Variants in PRKCE observed in about 807,000 individuals in gnomAD.
The protein encoded by PRKCE is protein kinase C epsilon.
A neutral mutation model predicts 85.4 loss-of-function variants in PRKCE; 16 were observed. That is an observed-to-expected ratio of 0.19 (90% CI 0.13 to 0.28). The LOEUF (loss-of-function observed/expected upper bound fraction) is 0.28, where lower values mean the gene tolerates loss of function less well. PRKCE is among the 10% of genes least tolerant of loss of function. The pLI is 1.00. For missense variants in PRKCE, 573 were observed against 975.2 expected, an observed-to-expected ratio of 0.59 and a Z score of 5.49; for synonymous variants, 388 against 371.5, an observed-to-expected ratio of 1.04 and a Z score of -0.51.
chr2:46,075,632 C>G (rs1236401271), intron 10 of PRKCE, among the ~76,000 whole-genome samples: 1 of 151,908 alleles, frequency 6.6e-6, no homozygotes, highest in Non-Finnish European at 1.5e-5. Flanking sequence ...ACCTGTAGTC[C>G]CAGCTACTCA....
chr2:45,685,032 T>C (rs1432816111), intron 1 of PRKCE, among the ~76,000 whole-genome samples: 2 of 152,182 alleles, frequency 1.3e-5, no homozygotes, highest in Non-Finnish European at 2.9e-5. Context: ...TTCTTTCACT[T>C]TGTGGTCTGA....
At chr2:45,913,506 G>T (rs1301426965) in intron 2 of PRKCE, among the ~76,000 whole-genome samples, 1 of 152,286 alleles carries the variant, frequency 6.6e-6, no homozygotes, top group Admixed American at 6.5e-5. Context: ...TCTGGGTTCT[G>T]GTGTTCCTTG....
intron 1 of PRKCE, among the ~76,000 whole-genome samples, chr2:45,839,936 C>A (rs1691211693): frequency 6.6e-6 from 1 of 152,224 alleles, no homozygotes; most frequent in Admixed American, 6.5e-5. Context: ...ACGGAGGCTG[C>A]AGTGGGTGCT....
Position 45,986,840 on chromosome 2 carries a change from G to T in PRKCE, c.823+2160G>T, listed in dbSNP as rs1375732886. The stretch of plus-strand genomic sequence containing the variant: ...CTTCCCCGTTGGAGTATTCTTTCTA[G>T]TGTGTGACCCTGAACAAAATGGGGC... On this transcript the variant is annotated intron_variant, in intron 6 of 14. Coordinates refer to ENST00000306156, the MANE Select transcript of PRKCE (RefSeq NM_005400.3). 2.0e-5 allele frequency among the ~76,000 whole-genome samples: 3 copies of T among 152,094 alleles called. No homozygotes were observed. In the East Asian group the frequency reaches 5.8e-4, roughly 29 times the overall value.
intron 2 of PRKCE, among the ~76,000 whole-genome samples, chr2:45,885,666 G>T (rs1014658698): frequency 4.6e-5 from 7 of 152,168 alleles, no homozygotes; most frequent in Non-Finnish European, 1.0e-4. Context: ...ACAACAGATA[G>T]GATTTAGTTC....
intron 10 of PRKCE, among the ~76,000 whole-genome samples, chr2:46,023,693 T>C (rs986021569): frequency 6.6e-6 from 1 of 152,178 alleles, no homozygotes; most frequent in African/African-American, 2.4e-5. Flanking sequence ...AAATTGGGGC[T>C]GGCTTCCAAA....
chr2:45,671,217 G>A (rs180932963), intron 1 of PRKCE, among the ~76,000 whole-genome samples: 1 of 152,262 alleles, frequency 6.6e-6, no homozygotes, highest in African/African-American at 2.4e-5. Flanking sequence ...CATCAAACTT[G>A]TATGGTAGTG....
chr2:46,160,849 C>G (rs192239532), intron 14 of PRKCE, among the ~76,000 whole-genome samples: 1 of 152,108 alleles, frequency 6.6e-6, no homozygotes, highest in Non-Finnish European at 1.5e-5. Context: ...AAATCTTCCA[C>G]GGTGGGAGTG....
At chr2:45,941,933 A>G (rs185714098) in intron 2 of PRKCE, among the ~76,000 whole-genome samples, 1 of 152,222 alleles carries the variant, frequency 6.6e-6, no homozygotes, top group Non-Finnish European at 1.5e-5. Context: ...TACCCTGATT[A>G]AAACAGGAGA....
At chr2:45,884,864 T>G (rs1695128239) in intron 2 of PRKCE, among the ~76,000 whole-genome samples, 2 of 150,446 alleles carry the variant, frequency 1.3e-5, no homozygotes, top group Non-Finnish European at 3.0e-5. Context: ...TTCTGTCTCC[T>G]TCTGGAAATT....
At position 45,984,571 on chromosome 2, in the gene PRKCE, C is replaced by A. The variant is rs1250155041; in HGVS notation, c.714C>A (p.Ser238Arg). ...TPDQVGSQRFSVNMPHKFGIH... is the reference protein window; with the variant it reads ...TPDQVGSQRFRVNMPHKFGIH... ...TGCAGGTGGGCTCCCAGCGGTTCAG[C>A]GTCAACATGCCCCACAAGTTCGGTA... is the stretch of plus-strand genomic sequence containing the variant. The change falls in exon 6 of 15, where the codon AGC becomes AGA. Residue 238 changes from serine (S) to arginine (R), a missense_variant. Transcript: ENST00000306156. 6.3e-7 allele frequency: 1 copy of A among 1,599,772 alleles called. No individual in the cohort carries two copies. The highest frequency in any genetic ancestry group is 8.5e-7 in the Non-Finnish European group (1 of 1,179,910).
intron 1 of PRKCE, among the ~76,000 whole-genome samples, chr2:45,757,448 C>T (rs913665181): frequency 5.3e-5 from 8 of 151,742 alleles, no homozygotes; most frequent in South Asian, 2.1e-4. Flanking sequence ...AGGAGAATTG[C>T]GTGTGGACAG....
Position 46,007,631 on chromosome 2 carries a change from C to G in PRKCE, c.1233C>G (p.Ile411Met). The G allele has an allele frequency of 6.3e-7, 1 of 1,599,798 alleles. No individual in the cohort carries two copies. The highest frequency in any genetic ancestry group is 8.5e-7 in the Non-Finnish European group (1 of 1,179,970). Residue 411 changes from isoleucine to methionine, a missense_variant, in exon 9 of 15, where the codon ATC (isoleucine) becomes ATG (methionine). Coordinates refer to ENST00000306156, the MANE Select transcript of PRKCE (RefSeq NM_005400.3). The part of the protein sequence containing the change: ...KRLGLDEFNF[I>M]KVLGKGSFGK... ...TGGGCCTGGATGAGTTCAACTTCAT[C>G]AAGGTGTTGGGCAAAGGCAGCTTTG...
At chr2:45,810,388 T>C (rs1351969438) in intron 1 of PRKCE, among the ~76,000 whole-genome samples, 3 of 152,196 alleles carry the variant, frequency 2.0e-5, no homozygotes, top group Non-Finnish European at 2.9e-5. Flanking sequence ...GAAACAAATA[T>C]TATCTTTGCA....
At chr2:45,663,915 A>G (rs1460315706) in intron 1 of PRKCE, among the ~76,000 whole-genome samples, 1 of 152,244 alleles carries the variant, frequency 6.6e-6, no homozygotes, top group Non-Finnish European at 1.5e-5. Flanking sequence ...AAAAACCAAA[A>G]CAAACTATCC....
At chr2:46,088,497 TG>T (rs1050366990) in intron 11 of PRKCE, among the ~76,000 whole-genome samples, 2 of 152,232 alleles carry the variant, frequency 1.3e-5, no homozygotes, top group Non-Finnish European at 1.5e-5. Flanking sequence ...GACATCTATA[TG>T]GATCCTTCAC....
chr2:45,979,461 G>A (rs1417342679), intron 4 of PRKCE, among the ~76,000 whole-genome samples: 3 of 151,926 alleles, frequency 2.0e-5, no homozygotes, highest in South Asian at 2.1e-4. Flanking sequence ...CCTTTTTTTG[G>A]TCTTGGCTGT....
chr2:45,817,518 C>A (rs991590483), intron 1 of PRKCE, among the ~76,000 whole-genome samples: 1 of 138,182 alleles, frequency 7.2e-6, no homozygotes, highest in African/African-American at 2.7e-5. Context: ...ACGGTGAAAC[C>A]CCGTCTCTAA....
chr2:46,154,680 C>G (rs1677024598), intron 13 of PRKCE, among the ~76,000 whole-genome samples: 1 of 151,908 alleles, frequency 6.6e-6, no homozygotes, highest in South Asian at 2.1e-4. Context: ...TCCTGCTGCC[C>G]TCTTAGTGCC....
Sources: gnomAD v4.1 joint callset for allele counts (sites outside exome capture counted in the v4.1 genomes callset) on GRCh38, gnomAD v4.1.1 for gene constraint, MANE v1.5 for transcripts, NCBI Gene and HGNC (gene_info 2026-07-23, HGNC 2026-07-21) for gene names.